SEL1L2: variants seen among roughly 807,000 people sequenced by gnomAD.
SEL1L2 encodes SEL1L2 adaptor subunit of SYVN1 ubiquitin ligase.
SEL1L2 carries 89 observed loss-of-function variants against 98.8 expected under a neutral mutation model. That is an observed-to-expected ratio of 0.90 (90% CI 0.76 to 1.07). The LOEUF is 1.07. Among genes scored for constraint, SEL1L2 ranks in the 50% least tolerant of loss-of-function variants. SEL1L2 has a pLI of 0.00. For missense variants in SEL1L2, 788 were observed against 812.0 expected, an observed-to-expected ratio of 0.97 and a Z score of 0.36; for synonymous variants, 262 against 278.5, an observed-to-expected ratio of 0.94 and a Z score of 0.59.
At chr20:13,974,476 T>TTC (rs1569071219) in intron 1 of SEL1L2, among the ~76,000 whole-genome samples, 4 of 11,170 alleles carry the variant, frequency 3.6e-4, no homozygotes, top group Middle Eastern at 0.022. Context: ...TCTCTCTCTC[T>TTC]TTTTTTTTTT....
At chr20:13,872,210 G>A (rs2147871547) in intron 12 of SEL1L2, among the ~76,000 whole-genome samples, 1 of 152,264 alleles carries the variant, frequency 6.6e-6, no homozygotes, top group East Asian at 1.9e-4. Flanking sequence ...TGATGGATGT[G>A]GCAAAGTCTA....
At chr20:13,872,572 T>G (rs183757363) in intron 12 of SEL1L2, among the ~76,000 whole-genome samples, 9 of 152,246 alleles carry the variant, frequency 5.9e-5, no homozygotes, top group Admixed American at 5.2e-4. Flanking sequence ...CTTGGGTATG[T>G]CTTTATTAGC....
At chr20:13,918,120 A>AAT (rs2048491045) in intron 4 of SEL1L2, among the ~76,000 whole-genome samples, 1 of 152,004 alleles carries the variant, frequency 6.6e-6, no homozygotes, top group Admixed American at 6.6e-5. Flanking sequence ...ATTGGTTCAA[A>AAT]ATACCCTTGC....
At chr20:13,892,976 AT>A (rs1164058053) in intron 5 of SEL1L2, among the ~76,000 whole-genome samples, 12 of 152,232 alleles carry the variant, frequency 7.9e-5, no homozygotes, top group Admixed American at 3.9e-4. Context: ...GGAAAGCATT[AT>A]AAAACCTGTT....
At chr20:13,892,629 C>T (rs2047254279) in intron 5 of SEL1L2, among the ~76,000 whole-genome samples, 1 of 152,056 alleles carries the variant, frequency 6.6e-6, no homozygotes, top group African/African-American at 2.4e-5. Flanking sequence ...GACAAAATAA[C>T]TACAAGATGT....
chr20:13,973,786 C>A (rs1368145842), intron 1 of SEL1L2, among the ~76,000 whole-genome samples: 1 of 152,126 alleles, frequency 6.6e-6, no homozygotes, highest in Non-Finnish European at 1.5e-5. Context: ...TGATGTTTAA[C>A]CTAGGTGCCT....
chr20:13,920,468 T>C (rs1268708388), intron 3 of SEL1L2, among the ~76,000 whole-genome samples: 1 of 152,160 alleles, frequency 6.6e-6, no homozygotes, highest in Non-Finnish European at 1.5e-5. Flanking sequence ...CACCAGTTTA[T>C]AGTTGGGGAA....
At chr20:13,866,212 G>C (rs1991010839) in intron 15 of SEL1L2, among the ~76,000 whole-genome samples, 1 of 152,140 alleles carries the variant, frequency 6.6e-6, no homozygotes, top group South Asian at 2.1e-4. Flanking sequence ...GGACATTAAG[G>C]TCCTAAAAGC....
intron 4 of SEL1L2, among the ~76,000 whole-genome samples, chr20:13,915,425 C>A (rs1214852301): frequency 6.6e-6 from 1 of 152,142 alleles, no homozygotes; most frequent in Non-Finnish European, 1.5e-5. Context: ...CAGAGAGAGG[C>A]AACAGGAAGA....
chr20:13,977,946 A>G (rs2051625196), intron 1 of SEL1L2, among the ~76,000 whole-genome samples: 2 of 152,208 alleles, frequency 1.3e-5, no homozygotes, highest in Non-Finnish European at 2.9e-5. Flanking sequence ...CTACAGATTC[A>G]ATACAATCTC....
At chr20:13,901,453 G>A (rs778151093) in intron 5 of SEL1L2, among the ~76,000 whole-genome samples, 17 of 152,066 alleles carry the variant, frequency 1.1e-4, no homozygotes, top group Admixed American at 7.9e-4. Flanking sequence ...TTACTATGTA[G>A]TATTATCATC....
intron 17 of SEL1L2, among the ~76,000 whole-genome samples, chr20:13,861,204 C>T (rs779202178): frequency 2.1e-4 from 32 of 151,914 alleles, no homozygotes; most frequent in Non-Finnish European, 4.7e-4. Flanking sequence ...GAGACAGGGC[C>T]TGGATTTGTC....
intron 1 of SEL1L2, among the ~76,000 whole-genome samples, chr20:13,971,944 ACTC>A (rs2051302774): frequency 6.6e-6 from 1 of 151,564 alleles, no homozygotes; most frequent in South Asian, 2.1e-4. Flanking sequence ...TTCCTGATCT[ACTC>A]CTCTATTCTT....
chr20:13,872,539 C>T (rs2046251912), intron 12 of SEL1L2, among the ~76,000 whole-genome samples: 2 of 152,114 alleles, frequency 1.3e-5, no homozygotes, highest in Admixed American at 6.6e-5. Flanking sequence ...AATTAAATCT[C>T]TTTCCTTTAT....
chr20:13,939,297 C>A (rs949837419), intron 2 of SEL1L2, among the ~76,000 whole-genome samples: 2 of 151,932 alleles, frequency 1.3e-5, no homozygotes, highest in African/African-American at 4.8e-5. Context: ...CTCACCTTGG[C>A]CTCCCAAAAC....
Position 13,885,540 on chromosome 20 carries a change from C to T in SEL1L2, c.901-137G>A. On this transcript the variant is annotated intron_variant, in intron 9 of 19. Transcript: ENST00000284951. ...GTCCTGAAAAAATCAGGGAAACATT[C>T]CAGACTATATCATTTATTGGGTAAT... 6.0e-6 allele frequency: 4 copies of T among 663,728 alleles called. 1 individual carries two copies. In the South Asian group the frequency reaches 6.9e-5, roughly 11 times the overall value. 41.1% of individuals were successfully genotyped at this position (663,728 alleles called of 1,614,324 possible).
chr20:13,914,283 C>A (rs1044526016), intron 4 of SEL1L2, among the ~76,000 whole-genome samples: 2 of 152,086 alleles, frequency 1.3e-5, no homozygotes, highest in African/African-American at 2.4e-5. Context: ...GGAACTTTTT[C>A]TAAAATACTG....
At chr20:13,942,276 T>C (rs74316199) in intron 2 of SEL1L2, among the ~76,000 whole-genome samples, 2,907 of 152,336 alleles carry the variant, frequency 0.019, 37 homozygotes, top group Non-Finnish European at 0.032. Context: ...CCATATACTA[T>C]GTTTAAACCA....
chr20:13,865,513 A>C lies in SEL1L2; in HGVS notation c.1406T>G (p.Leu469Arg), dbSNP rs1305154487. ...VVRSCRTAVELYKGVCELGHW... is the reference protein window; with the variant it reads ...VVRSCRTAVERYKGVCELGHW... ...GCCTAGTTCACAGACACCTTTATAA[A>C]GCTGTACATGAGAGGAGAAATCAAG... Residue 469 changes from leucine to arginine, a missense_variant and splice_region_variant, in exon 16 of 20, where the codon CTT becomes CGT. Transcript: ENST00000284951. 2.5e-6 allele frequency: 4 copies of C among 1,613,360 alleles called. No homozygotes were observed. The South Asian group carries it at 4.4e-5, about 18-fold the overall frequency.
Sources: allele counts gnomAD v4.1 joint callset (sites outside exome capture counted in the v4.1 genomes callset), GRCh38; gene constraint gnomAD v4.1.1; transcripts MANE v1.5; gene names NCBI Gene and HGNC (gene_info 2026-07-23, HGNC 2026-07-21).